Variants in KCNIP1 observed in about 807,000 individuals in gnomAD.
KCNIP1 encodes A-type potassium channel modulatory protein KCNIP1.
A neutral mutation model predicts 33.0 loss-of-function variants in KCNIP1; 18 were observed. The ratio of observed to expected loss-of-function variants is 0.55; its 90% CI spans 0.38 to 0.81. The LOEUF is 0.81. Among genes scored for constraint, KCNIP1 ranks in the 30% least tolerant of loss-of-function variants. The pLI, the probability that KCNIP1 is intolerant of heterozygous loss-of-function variation, is 0.00. For synonymous variants in KCNIP1, 93 were observed against 98.3 expected, an observed-to-expected ratio of 0.95 and a Z score of 0.32; for missense variants, 238 against 271.6, an observed-to-expected ratio of 0.88 and a Z score of 0.87.
At chr5:170,501,803 C>G (rs201673390), upstream of KCNIP1, among the ~76,000 whole-genome samples, 1 of 152,232 alleles carries the variant, frequency 6.6e-6, no homozygotes, top group Non-Finnish European at 1.5e-5. Context: ...CTCCTCTGTT[C>G]CCTGAATCCT....
chr5:170,365,753 G>A (rs1166342117), intron 1 of KCNIP1, among the ~76,000 whole-genome samples: 1 of 152,186 alleles, frequency 6.6e-6, no homozygotes, highest in Non-Finnish European at 1.5e-5. Flanking sequence ...CAAATTGTGT[G>A]ACCTTGGGAA....
intron 4 of KCNIP1, among the ~76,000 whole-genome samples, chr5:170,722,400 T>C (rs1763857102): frequency 6.6e-6 from 1 of 152,050 alleles, no homozygotes; most frequent in Admixed American, 6.5e-5. Context: ...CACTAGACCA[T>C]ACGGCCACTG....
At chr5:170,558,814 CA>C (rs1756930338) in intron 1 of KCNIP1, among the ~76,000 whole-genome samples, 1 of 152,208 alleles carries the variant, frequency 6.6e-6, no homozygotes, top group Non-Finnish European at 1.5e-5. Flanking sequence ...TACAATAAAA[CA>C]AAGTGCTTAT....
chr5:170,665,939 C>T (rs995446850), intron 1 of KCNIP1, among the ~76,000 whole-genome samples: 1 of 152,132 alleles, frequency 6.6e-6, no homozygotes, highest in Non-Finnish European at 1.5e-5. Context: ...GTTATCAACA[C>T]GACCTATCAC....
chr5:170,517,241 G>A (rs917278470), intron 1 of KCNIP1, among the ~76,000 whole-genome samples: 8 of 152,038 alleles, frequency 5.3e-5, no homozygotes, highest in Non-Finnish European at 1.2e-4. Flanking sequence ...AGCAAAGGGG[G>A]GTGTGCTACA....
intron 1 of KCNIP1, among the ~76,000 whole-genome samples, chr5:170,475,904 G>A (rs1382186681): frequency 2.6e-5 from 4 of 152,042 alleles, no homozygotes; most frequent in African/African-American, 4.8e-5. Context: ...GTTGAGGGGT[G>A]ACAAGTGGCC....
At chr5:170,443,826 G>A (rs1046301897) in intron 1 of KCNIP1, among the ~76,000 whole-genome samples, 2 of 152,188 alleles carry the variant, frequency 1.3e-5, no homozygotes, top group South Asian at 4.1e-4. Flanking sequence ...CAGGCGGGGG[G>A]TGCCCACAGG....
At chr5:170,680,810 A>G (rs977805196) in intron 1 of KCNIP1, 1 of 317,244 alleles carries the variant, frequency 3.2e-6, no homozygotes, top group Non-Finnish European at 5.7e-6. Flanking sequence ...GACTGGTTAA[A>G]CCTTTGGAGA....
intron 1 of KCNIP1, among the ~76,000 whole-genome samples, chr5:170,691,962 T>A (rs549625778): frequency 6.6e-6 from 1 of 152,218 alleles, no homozygotes; most frequent in African/African-American, 2.4e-5. Context: ...TATTCCCCAC[T>A]GCTTCCTCCA....
chr5:170,520,680 C>T (rs138297711), intron 1 of KCNIP1, among the ~76,000 whole-genome samples: 1 of 152,252 alleles, frequency 6.6e-6, no homozygotes, highest in African/African-American at 2.4e-5. Flanking sequence ...GCTTTACCTC[C>T]GCCTGAGCGT....
chr5:170,485,518 A>G (rs1040273791), intron 1 of KCNIP1, among the ~76,000 whole-genome samples: 6 of 152,190 alleles, frequency 3.9e-5, no homozygotes, highest in African/African-American at 1.4e-4. Flanking sequence ...GCCCACCTTC[A>G]GGGTCATGAG....
intron 1 of KCNIP1, among the ~76,000 whole-genome samples, chr5:170,476,991 C>G (rs1009304377): frequency 2.0e-5 from 3 of 152,046 alleles, no homozygotes; most frequent in African/African-American, 7.2e-5. Flanking sequence ...TGTCGGTTGA[C>G]AGATTGTAAT....
At chr5:170,694,669 G>A (rs1239827201) in intron 1 of KCNIP1, among the ~76,000 whole-genome samples, 2 of 152,134 alleles carry the variant, frequency 1.3e-5, no homozygotes, top group Admixed American at 6.5e-5. Context: ...ACTCAACACA[G>A]CACCATCCAC....
At chr5:170,696,010 C>A (rs1762879216) in intron 1 of KCNIP1, among the ~76,000 whole-genome samples, 1 of 134,502 alleles carries the variant, frequency 7.4e-6, no homozygotes, top group Non-Finnish European at 1.6e-5. Context: ...GAGCAAGACT[C>A]TGTCTCAAAA....
chr5:170,429,023 A>G (rs796465893), intron 1 of KCNIP1, among the ~76,000 whole-genome samples: 3 of 152,214 alleles, frequency 2.0e-5, no homozygotes, highest in African/African-American at 7.2e-5. Context: ...CCCGGGAGGC[A>G]GAGGTTGCGG....
intron 1 of KCNIP1, among the ~76,000 whole-genome samples, chr5:170,419,290 C>T (rs577901098): frequency 1.1e-4 from 17 of 152,176 alleles, no homozygotes; most frequent in South Asian, 6.2e-4. Flanking sequence ...AGCAGGACCC[C>T]GATGCCATCA....
At chr5:170,441,820 C>G (rs1006669823) in intron 1 of KCNIP1, among the ~76,000 whole-genome samples, 1 of 151,826 alleles carries the variant, frequency 6.6e-6, no homozygotes. Context: ...GGCATGGTGG[C>G]GGGCACCTGT....
chr5:170,591,845 C>T (rs188166726), intron 1 of KCNIP1, among the ~76,000 whole-genome samples: 7 of 152,270 alleles, frequency 4.6e-5, no homozygotes, highest in African/African-American at 1.4e-4. Context: ...ATTCACTTGT[C>T]GATGGAAATT....
At chr5:170,505,509 G>A (rs779745909) in intron 1 of KCNIP1, among the ~76,000 whole-genome samples, 4 of 152,164 alleles carry the variant, frequency 2.6e-5, no homozygotes, top group Non-Finnish European at 4.4e-5. Context: ...ACTACGAGTG[G>A]TAAGATTTTA....
Sources: gnomAD v4.1 joint callset for allele counts (sites outside exome capture counted in the v4.1 genomes callset) on GRCh38, gnomAD v4.1.1 for gene constraint, MANE v1.5 for transcripts, NCBI Gene and HGNC (gene_info 2026-07-23, HGNC 2026-07-21) for gene names.